The following SMC5 variants were observed in gnomAD, a reference collection of about 807,000 sequenced individuals.
SMC5 encodes structural maintenance of chromosomes 5.
SMC5 carries 88 observed loss-of-function variants against 148.3 expected under a neutral mutation model. That is an observed-to-expected ratio of 0.59 (90% confidence interval 0.50 to 0.71). The LOEUF (loss-of-function observed/expected upper bound fraction) is 0.71, where lower values mean the gene tolerates loss of function less well. SMC5 is among the 30% of genes least tolerant of loss of function. The pLI is 0.00. For missense variants in SMC5, 1,142 were observed against 1,298.9 expected (o/e 0.88, Z 1.86); for synonymous variants, 421 against 432.8 (o/e 0.97, Z 0.34).
intron 3 of SMC5, among the ~76,000 whole-genome samples, chr9:70,271,090 T>C (rs1226521566): frequency 6.6e-6 from 1 of 152,160 alleles, no homozygotes; most frequent in Non-Finnish European, 1.5e-5. Flanking sequence ...ATCTGAAATA[T>C]GAAACACCCC....
At chr9:70,343,777 C>T (rs554667541) in intron 17 of SMC5, among the ~76,000 whole-genome samples, 4 of 151,952 alleles carry the variant, frequency 2.6e-5, no homozygotes, top group South Asian at 2.1e-4. Context: ...GATCACGTCA[C>T]GTCACTGCAC....
chr9:70,278,766 T>C (rs1382524179), intron 5 of SMC5, 141 bp downstream of exon 5: 1 of 725,380 alleles, frequency 1.4e-6, no homozygotes, highest in Non-Finnish European at 2.1e-6. Context: ...ACTGCTAATA[T>C]CAGTTAAAGT....
At chr9:70,292,319 A>C (rs1217168808) in intron 8 of SMC5, among the ~76,000 whole-genome samples, 3 of 152,074 alleles carry the variant, frequency 2.0e-5, no homozygotes, top group African/African-American at 7.2e-5. Flanking sequence ...GTCTGTCTCT[A>C]TTTATTTAGA....
Position 70,277,558 on chromosome 9 carries a change from C to T in SMC5, c.543+86C>T, listed in dbSNP as rs1382336549. ...CGTTGAAGGGATATCATAATGACTG[C>T]TATTTAAATTGAACATAGCACTCTT... On this transcript the variant is annotated intron_variant, in intron 4 of 24. Coordinates refer to ENST00000361138, the MANE Select transcript of SMC5 (RefSeq NM_015110.4). 4.6e-6 allele frequency: 5 copies of T among 1,079,986 alleles called. No homozygotes were observed. The Admixed American group carries it at 1.2e-4, about 25-fold the overall frequency. The allele number at this position is 1,079,986 out of a possible 1,614,324, so 66.9% of individuals were successfully genotyped here. A position where few individuals can be genotyped will look rare whatever the true frequency, so the allele number is the denominator to read the frequency against.
intron 17 of SMC5, among the ~76,000 whole-genome samples, chr9:70,326,878 A>T (rs1587697241): frequency 6.6e-6 from 1 of 152,232 alleles, no homozygotes; most frequent in African/African-American, 2.4e-5. Context: ...TTGCAAAAAA[A>T]ATCATGTACT....
chr9:70,313,880 A>G (rs1450375842), intron 11 of SMC5, among the ~76,000 whole-genome samples: 2 of 152,126 alleles, frequency 1.3e-5, no homozygotes, highest in Admixed American at 6.6e-5. Flanking sequence ...TCTTCTTCCA[A>G]AGAGACTAGA....
At chr9:70,287,607 C>T (rs1439181948) in intron 8 of SMC5, among the ~76,000 whole-genome samples, 1 of 152,136 alleles carries the variant, frequency 6.6e-6, no homozygotes, top group Non-Finnish European at 1.5e-5. Flanking sequence ...TAGTTCTCAG[C>T]CTCACCCCTT....
intron 3 of SMC5, among the ~76,000 whole-genome samples, chr9:70,269,009 A>G (rs2034371707): frequency 6.6e-6 from 1 of 152,170 alleles, no homozygotes; most frequent in South Asian, 2.1e-4. Context: ...CTGTTGGAAT[A>G]TTAGTGGAAA....
Position 70,280,703 on chromosome 9 carries a change from G to A in SMC5, c.679-56G>A, listed in dbSNP as rs1252802545. On this transcript the variant is annotated intron_variant, in intron 5 of 24. Coordinates refer to ENST00000361138, the MANE Select transcript of SMC5 (RefSeq NM_015110.4). ...CGTTTATTTTTCATTGTTAAAAGATGTGACCTGTTGTCATTTTTTCTGTCA... is the reference window on the plus strand; with the variant it reads ...CGTTTATTTTTCATTGTTAAAAGATATGACCTGTTGTCATTTTTTCTGTCA... 5 of 1,499,280 alleles carry A rather than the reference G, an allele frequency of 3.3e-6. No individual in the cohort carries two copies. The African/African-American group carries it at 5.6e-5, about 17-fold the overall frequency. The allele number at this position is 1,499,280 out of a possible 1,614,324, so 92.9% of individuals were successfully genotyped here.
At chr9:70,340,142 G>A (rs1317236223) in intron 17 of SMC5, among the ~76,000 whole-genome samples, 1 of 151,830 alleles carries the variant, frequency 6.6e-6, no homozygotes. Flanking sequence ...ATTTACATCA[G>A]AATTAATATT....
chr9:70,303,884 A>G (rs781496664), intron 10 of SMC5, among the ~76,000 whole-genome samples: 4 of 152,184 alleles, frequency 2.6e-5, no homozygotes, highest in Non-Finnish European at 5.9e-5. Flanking sequence ...TTTGGAAATA[A>G]TCGATCTCTA....
intron 17 of SMC5, among the ~76,000 whole-genome samples, chr9:70,334,224 T>C (rs2036299472): frequency 6.6e-6 from 1 of 151,644 alleles, no homozygotes; most frequent in Non-Finnish European, 1.5e-5. Context: ...CATAGTCATA[T>C]GTAAAAAATG....
In SMC5 at chr9:70,259,312, C is replaced by T. The variant is rs544686132; in HGVS notation, c.185+49C>T. The stretch of plus-strand genomic sequence containing the variant: ...GCGGGTGTGGAGGTGTGCTGGCCAG[C>T]AGGCCCCGGGGCTCCGGCAGCGCGC... On this transcript the variant is annotated intron_variant, in intron 1 of 24. Transcript: ENST00000361138. 7 of 1,504,206 alleles carry T rather than the reference C, an allele frequency of 4.7e-6. No individual in the cohort carries two copies. In the East Asian group the frequency reaches 1.3e-4, roughly 27 times the overall value. 93.2% of individuals were successfully genotyped at this position (1,504,206 alleles called of 1,614,324 possible).
chr9:70,298,169 C>T lies in SMC5; in HGVS notation c.1257C>T (p.Gly419=), dbSNP rs756670199. ...RIQDEKALCE[G]EIIDKRRERE... ...AGGATGAAAAGGCATTATGTGAAGG[C>T]GAAATAATTGATAAGCGAAGAGAGA... Residue 419 remains glycine, a synonymous_variant, in exon 9 of 25, where the codon GGC becomes GGT. Transcript: ENST00000361138. The T allele has an allele frequency of 1.1e-5, 17 of 1,613,282 alleles. No homozygotes were observed. The highest frequency in any genetic ancestry group is 7.7e-5 in the South Asian group (7 of 91,062).
chr9:70,322,608 C>T (rs1043974577), intron 15 of SMC5, among the ~76,000 whole-genome samples: 4 of 152,122 alleles, frequency 2.6e-5, no homozygotes, highest in Admixed American at 1.3e-4. Context: ...GGCCGAGGTG[C>T]GTGGATCACT....
At chr9:70,291,409 A>G (rs2035057560) in intron 8 of SMC5, among the ~76,000 whole-genome samples, 1 of 152,092 alleles carries the variant, frequency 6.6e-6, no homozygotes, top group Non-Finnish European at 1.5e-5. Flanking sequence ...TTCGCTTCCT[A>G]TTTGCACACA....
intron 17 of SMC5, among the ~76,000 whole-genome samples, chr9:70,326,311 C>G (rs1222269130): frequency 1.3e-5 from 2 of 152,070 alleles, no homozygotes; most frequent in Admixed American, 1.3e-4. Flanking sequence ...TGCTAACAGT[C>G]ATTGAATTGT....
chr9:70,273,456 G>T (rs1226114476), intron 3 of SMC5, among the ~76,000 whole-genome samples: 3 of 151,446 alleles, frequency 2.0e-5, no homozygotes, highest in African/African-American at 7.3e-5. Flanking sequence ...TTTTTTCAAT[G>T]AACTAACTTT....
intron 4 of SMC5, among the ~76,000 whole-genome samples, chr9:70,278,077 T>C (rs73446778): frequency 0.012 from 1,808 of 152,200 alleles, 27 homozygotes; most frequent in African/African-American, 0.04. Context: ...TAAAAGCTTT[T>C]TATTTATTTT....
Sources: allele counts gnomAD v4.1 joint callset (sites outside exome capture counted in the v4.1 genomes callset), GRCh38; gene constraint gnomAD v4.1.1; transcripts MANE v1.5; gene names NCBI Gene and HGNC (gene_info 2026-07-23, HGNC 2026-07-21).